SYT1: variants seen among roughly 807,000 people sequenced by gnomAD.
SYT1 encodes synaptotagmin-1.
A neutral mutation model predicts 44.8 loss-of-function variants in SYT1; 8 were observed. That is an observed-to-expected ratio of 0.18 (90% CI 0.10 to 0.32). The LOEUF (loss-of-function observed/expected upper bound fraction) is 0.32, where lower values mean the gene tolerates loss of function less well. Among genes scored for constraint, SYT1 ranks in the 10% least tolerant of loss-of-function variants. The probability of loss-of-function intolerance (pLI) is 1.00; values close to 1 mark genes in which losing one functional copy is unlikely to be tolerated. For synonymous variants in SYT1, 154 were observed against 188.8 expected (o/e 0.82, Z 1.51); for missense variants, 286 against 509.3 (o/e 0.56, Z 4.22).
intron 3 of SYT1, among the ~76,000 whole-genome samples, chr12:79,179,107 T>G (rs1380830756): frequency 8.4e-6 from 1 of 119,680 alleles, no homozygotes; most frequent in East Asian, 3.0e-4. Flanking sequence ...TATAGATATA[T>G]AGATATAGAT....
At chr12:79,228,259 A>G (rs533100417) in intron 4 of SYT1, among the ~76,000 whole-genome samples, 1 of 152,116 alleles carries the variant, frequency 6.6e-6, no homozygotes, top group African/African-American at 2.4e-5. Flanking sequence ...CATCTCTACC[A>G]TACTTATTTA....
At chr12:78,931,465 AAAAGAAAG>A (rs201906823) in intron 1 of SYT1, among the ~76,000 whole-genome samples, 2 of 144,226 alleles carry the variant, frequency 1.4e-5, no homozygotes, top group Admixed American at 6.9e-5. Context: ...GAAAGAAAGA[AAAAGAAAG>A]AAAGAAAGAA....
intron 9 of SYT1, among the ~76,000 whole-genome samples, chr12:79,442,159 G>A (rs1230040234): frequency 6.6e-6 from 1 of 152,164 alleles, no homozygotes; most frequent in Non-Finnish European, 1.5e-5. Context: ...ATGAACACAG[G>A]AGGCATATAT....
intron 9 of SYT1, 57 bp from the exon 10 acceptor site, chr12:79,444,016 A>G: frequency 6.3e-7 from 1 of 1,583,504 alleles, no homozygotes. Context: ...AAGCTAACTT[A>G]TAATCTAAAA....
chr12:78,918,266 G>C (rs1211000706), intron 1 of SYT1, among the ~76,000 whole-genome samples: 1 of 152,044 alleles, frequency 6.6e-6, no homozygotes, highest in Non-Finnish European at 1.5e-5. Flanking sequence ...CAGGGAAGAG[G>C]CCAGGAAAGC....
intron 3 of SYT1, among the ~76,000 whole-genome samples, chr12:79,214,587 G>A (rs1874665227): frequency 6.6e-6 from 1 of 152,158 alleles, no homozygotes; most frequent in Non-Finnish European, 1.5e-5. Flanking sequence ...AGAAGTGAAG[G>A]AGGATCCAGC....
rs34759181 is a variant in SYT1 at position 79,341,660 on chromosome 12, C to CT, written c.811-11816dup. 4.1e-3 allele frequency among the ~76,000 whole-genome samples: 258 copies of CT among 63,110 alleles called. 8 individuals carry two copies. Among genetic ancestry groups the CT allele is most frequent in the Admixed American group, 9.5e-3 (47 of 4,934 alleles). The allele number at this position is 63,110 out of a possible 152,430, so 41.4% of individuals were successfully genotyped here. A position where few individuals can be genotyped will look rare whatever the true frequency, so the allele number is the denominator to read the frequency against. On this transcript the variant is annotated intron_variant, in intron 8 of 10. Coordinates refer to ENST00000261205, the MANE Select transcript of SYT1 (RefSeq NM_005639.3). ...GGAATACTTAATAAATACATTCATTCTTTTTTTTTTTTTTTTTTTTTTTTT... is the reference window on the plus strand; with the variant it reads ...GGAATACTTAATAAATACATTCATTCTTTTTTTTTTTTTTTTTTTTTTTTTT...
chr12:79,273,216 AAGTG>A (rs1878529678), intron 4 of SYT1, among the ~76,000 whole-genome samples: 1 of 150,824 alleles, frequency 6.6e-6, no homozygotes, highest in Non-Finnish European at 1.5e-5. Context: ...TCCTGGGCTT[AAGTG>A]ATCCTATCAC....
intron 3 of SYT1, among the ~76,000 whole-genome samples, chr12:79,084,081 G>A (rs553071413): frequency 2.0e-5 from 3 of 152,194 alleles, no homozygotes; most frequent in Non-Finnish European, 4.4e-5. Flanking sequence ...GTGTGGAGCA[G>A]TTCAGATGTA....
intron 2 of SYT1, among the ~76,000 whole-genome samples, chr12:79,034,955 G>A (rs536857450): frequency 6.6e-6 from 1 of 151,514 alleles, no homozygotes; most frequent in Non-Finnish European, 1.5e-5. Context: ...TTCTACAGTT[G>A]TTCTCCACAT....
intron 2 of SYT1, among the ~76,000 whole-genome samples, chr12:79,047,051 C>T (rs1053188180): frequency 5.3e-5 from 8 of 151,780 alleles, no homozygotes; most frequent in African/African-American, 1.9e-4. Flanking sequence ...GCATAATTGA[C>T]TTTTCATAAA....
intron 1 of SYT1, among the ~76,000 whole-genome samples, chr12:78,875,497 G>A (rs1385506741): frequency 2.0e-5 from 3 of 151,596 alleles, no homozygotes. Flanking sequence ...AACTATCAGG[G>A]GAAAGCACTG....
chr12:79,441,197 GGT>G (rs1489021979), intron 9 of SYT1, among the ~76,000 whole-genome samples: 1 of 152,182 alleles, frequency 6.6e-6, no homozygotes, highest in Non-Finnish European at 1.5e-5. Flanking sequence ...TAAGTGCTTT[GGT>G]ACCTGTATCA....
chr12:79,006,012 C>G (rs1417138371), intron 2 of SYT1, among the ~76,000 whole-genome samples: 3 of 152,062 alleles, frequency 2.0e-5, no homozygotes, highest in Non-Finnish European at 2.9e-5. Flanking sequence ...TTTGGTGCAC[C>G]TTTTAAGATG....
chr12:78,943,494 A>C (rs1406911749), intron 1 of SYT1, among the ~76,000 whole-genome samples: 2 of 152,180 alleles, frequency 1.3e-5, no homozygotes, highest in East Asian at 3.9e-4. Context: ...GCTTGAGGAC[A>C]ATACCAAGGA....
At chr12:79,149,967 T>C (rs1173012345) in intron 3 of SYT1, among the ~76,000 whole-genome samples, 1 of 152,182 alleles carries the variant, frequency 6.6e-6, no homozygotes, top group African/African-American at 2.4e-5. Flanking sequence ...GAATGAAAGG[T>C]CTGAAACGGT....
At chr12:78,915,626 C>G (rs1435410467) in intron 1 of SYT1, among the ~76,000 whole-genome samples, 1 of 151,818 alleles carries the variant, frequency 6.6e-6, no homozygotes, top group Non-Finnish European at 1.5e-5. Context: ...TTGAATGGTT[C>G]TTTTCCTGCC....
At chr12:79,223,785 G>A (rs1347914083) in intron 4 of SYT1, among the ~76,000 whole-genome samples, 1 of 152,290 alleles carries the variant, frequency 6.6e-6, no homozygotes, top group African/African-American at 2.4e-5. Context: ...AAGTTTAGAG[G>A]CTCAGTCACC....
chr12:78,876,388 G>A (rs1378579746), intron 1 of SYT1, among the ~76,000 whole-genome samples: 1 of 144,040 alleles, frequency 6.9e-6, no homozygotes, highest in Non-Finnish European at 1.5e-5. Context: ...AATCATAAAT[G>A]TTCCTCTTTT....
Sources: allele counts gnomAD v4.1 joint callset (sites outside exome capture counted in the v4.1 genomes callset), GRCh38; gene constraint gnomAD v4.1.1; transcripts MANE v1.5; gene names NCBI Gene and HGNC (gene_info 2026-07-23, HGNC 2026-07-21).